Variants in MGMT observed in about 807,000 individuals in gnomAD.
MGMT encodes O-6-methylguanine-DNA methyltransferase.
MGMT carries 14 observed loss-of-function variants against 15.9 expected under a neutral mutation model. The ratio of observed to expected loss-of-function variants is 0.88; its 90% CI spans 0.58 to 1.37. The LOEUF is 1.37. MGMT is among the 40% of genes most tolerant of loss of function. The pLI, the probability that MGMT is intolerant of heterozygous loss-of-function variation, is 0.00. For missense variants in MGMT, 282 were observed against 268.1 expected, an observed-to-expected ratio of 1.05 and a Z score of -0.36; for synonymous variants, 130 against 118.2, an observed-to-expected ratio of 1.10 and a Z score of -0.65.
rs1307864708 is a variant in MGMT at position 129,470,644 on chromosome 10, C to CCGA, written c.-13+3349_-13+3350insGAC. ...GCTCGGTCCCGGCAGCAAAGCCAGTCCTCAGCAGCCTGCGCTCCCGAAGCT... is the reference window on the plus strand; with the variant it reads ...GCTCGGTCCCGGCAGCAAAGCCAGTCCGACTCAGCAGCCTGCGCTCCCGAAGCT... On this transcript the variant is annotated intron_variant, in intron 1 of 4. Transcript: ENST00000651593. Among the ~76,000 whole-genome samples, 5 of 152,316 alleles carry CCGA rather than the reference C, an allele frequency of 3.3e-5. No homozygotes were observed. The Middle Eastern group carries it at 0.01, about 311-fold the overall frequency.
intron 2 of MGMT, among the ~76,000 whole-genome samples, chr10:129,666,480 C>G (rs556985044): frequency 6.6e-6 from 1 of 152,182 alleles, no homozygotes; most frequent in East Asian, 1.9e-4. Context: ...TCATAGAACT[C>G]ATATTTTTTG....
chr10:129,748,250 A>G (rs1848716520), intron 3 of MGMT, among the ~76,000 whole-genome samples: 1 of 152,094 alleles, frequency 6.6e-6, no homozygotes, highest in Admixed American at 6.6e-5. Context: ...TTATGTTAGT[A>G]TGGACTCAGG....
At chr10:129,702,660 C>T (rs1848112613) in intron 2 of MGMT, among the ~76,000 whole-genome samples, 1 of 152,188 alleles carries the variant, frequency 6.6e-6, no homozygotes, top group Non-Finnish European at 1.5e-5. Flanking sequence ...CCTGCACTGG[C>T]TCCTGCTGGC....
intron 1 of MGMT, among the ~76,000 whole-genome samples, chr10:129,512,515 C>T (rs557708259): frequency 1.3e-5 from 2 of 152,106 alleles, no homozygotes; most frequent in African/African-American, 2.4e-5. Context: ...CTTTGAGCTT[C>T]GGGTCTTTCA....
intron 2 of MGMT, among the ~76,000 whole-genome samples, chr10:129,627,332 C>A (rs1039470873): frequency 3.9e-5 from 6 of 152,096 alleles, no homozygotes; most frequent in African/African-American, 1.4e-4. Context: ...ACTAGGATTT[C>A]TGGAACCAGT....
intron 2 of MGMT, among the ~76,000 whole-genome samples, chr10:129,638,244 G>A (rs1225707078): frequency 6.6e-6 from 1 of 151,764 alleles, no homozygotes. Flanking sequence ...GTGGAGAGGT[G>A]GGCTACTTAT....
intron 2 of MGMT, among the ~76,000 whole-genome samples, chr10:129,639,306 G>A (rs1278782601): frequency 6.6e-6 from 1 of 152,138 alleles, no homozygotes; most frequent in Non-Finnish European, 1.5e-5. Flanking sequence ...TAGCGATAAA[G>A]TATTCAGTTC....
At chr10:129,498,831 T>A (rs1312722551) in intron 1 of MGMT, among the ~76,000 whole-genome samples, 1 of 152,232 alleles carries the variant, frequency 6.6e-6, no homozygotes, top group East Asian at 1.9e-4. Flanking sequence ...GTGCTGAGTG[T>A]GCTTGCTGCT....
intron 2 of MGMT, among the ~76,000 whole-genome samples, chr10:129,696,314 A>G (rs1381249539): frequency 1.0e-5 from 1 of 96,364 alleles, no homozygotes; most frequent in East Asian, 2.3e-4. Flanking sequence ...AGTCGATTGC[A>G]TTATATCAGG....
At chr10:129,554,416 A>T (rs1004260426) in intron 2 of MGMT, among the ~76,000 whole-genome samples, 7 of 152,102 alleles carry the variant, frequency 4.6e-5, no homozygotes, top group African/African-American at 1.7e-4. Context: ...TTGTTCTGAC[A>T]TCTTTTTAAG....
chr10:129,676,877 A>C (rs1254954833), intron 2 of MGMT, among the ~76,000 whole-genome samples: 1 of 152,240 alleles, frequency 6.6e-6, no homozygotes, highest in Non-Finnish European at 1.5e-5. Context: ...GATACTGGGC[A>C]TTATGAGTGT....
chr10:129,701,242 T>C (rs961483616), intron 2 of MGMT: 25 of 152,180 alleles, frequency 1.6e-4, no homozygotes, highest in African/African-American at 5.1e-4. Flanking sequence ...ACGAACTCTT[T>C]CCTTGGGTGA....
chr10:129,555,498 G>A lies in MGMT; in HGVS notation c.125+19121G>A, dbSNP rs557030262. Among the ~76,000 whole-genome samples, 3 of 152,212 alleles carry A rather than the reference G, an allele frequency of 2.0e-5. No individual in the cohort carries two copies. In the East Asian group the frequency reaches 5.8e-4, roughly 30 times the overall value. On this transcript the variant is annotated intron_variant, in intron 2 of 4. Coordinates refer to ENST00000651593, the MANE Select transcript of MGMT (RefSeq NM_002412.5). Reference sequence around the variant, plus strand: ...GGCCAAGGCAAGAGACTCACTTGAGGCCAGGAGTTTGAGAACAGCCTGGGC... The same window carrying A: ...GGCCAAGGCAAGAGACTCACTTGAGACCAGGAGTTTGAGAACAGCCTGGGC...
intron 2 of MGMT, among the ~76,000 whole-genome samples, chr10:129,624,669 A>T (rs1301513611): frequency 2.6e-5 from 4 of 152,218 alleles, no homozygotes; most frequent in Admixed American, 6.5e-5. Context: ...GGCAAGCAGG[A>T]CATAACTCGT....
chr10:129,525,288 C>G (rs1845857192), intron 1 of MGMT, among the ~76,000 whole-genome samples: 1 of 152,058 alleles, frequency 6.6e-6, no homozygotes, highest in Non-Finnish European at 1.5e-5. Context: ...GAAAAGAAAA[C>G]CAGATTTTAT....
chr10:129,752,002 T>TA (rs1302989477), intron 3 of MGMT, among the ~76,000 whole-genome samples: 5 of 152,024 alleles, frequency 3.3e-5, no homozygotes, highest in Non-Finnish European at 4.4e-5. Flanking sequence ...GAGTGTTCTG[T>TA]AAATATCCAT....
chr10:129,677,736 GC>G (rs1177645467), intron 2 of MGMT, among the ~76,000 whole-genome samples: 1 of 152,134 alleles, frequency 6.6e-6, no homozygotes, highest in Non-Finnish European at 1.5e-5. Context: ...TGATCGGACT[GC>G]CCCCCACAAA....
chr10:129,596,010 C>T (rs1041633638), intron 2 of MGMT, among the ~76,000 whole-genome samples: 46 of 152,284 alleles, frequency 3.0e-4, no homozygotes, highest in Admixed American at 6.5e-4. Context: ...GGTTCAGCTG[C>T]ACAAAGAAGA....
intron 1 of MGMT, among the ~76,000 whole-genome samples, chr10:129,488,174 A>G (rs892815715): frequency 2.6e-5 from 4 of 152,244 alleles, no homozygotes; most frequent in Admixed American, 1.3e-4. Context: ...CTACAGGACA[A>G]TAACTTTTGT....
Sources: gnomAD v4.1 joint callset for allele counts (sites outside exome capture counted in the v4.1 genomes callset) on GRCh38, gnomAD v4.1.1 for gene constraint, MANE v1.5 for transcripts, NCBI Gene and HGNC (gene_info 2026-07-23, HGNC 2026-07-21) for gene names.